The following CSMD1 variants were observed in gnomAD, a reference collection of about 807,000 sequenced individuals.
The protein encoded by CSMD1 is CUB and Sushi multiple domains 1, also known as CUB and sushi domain-containing protein 1.
A neutral mutation model predicts 417.5 loss-of-function variants in CSMD1; 213 were observed. The ratio of observed to expected loss-of-function variants is 0.51; its 90% CI spans 0.46 to 0.57. The LOEUF (loss-of-function observed/expected upper bound fraction) is 0.57, where lower values mean the gene tolerates loss of function less well. CSMD1 is among the 20% of genes least tolerant of loss of function. The pLI is 0.00. For synonymous variants in CSMD1, 2,862 were observed against 1,736.8 expected (o/e 1.65, Z -16.11); for missense variants, 6,923 against 4,529.7 (o/e 1.53, Z -15.17).
chr8:4,720,106 T>A (rs200411405), intron 1 of CSMD1, among the ~76,000 whole-genome samples: 36 of 151,876 alleles, frequency 2.4e-4, no homozygotes, highest in East Asian at 1.9e-3. Context: ...TACCACCTCT[T>A]AATCTGTGGT....
intron 4 of CSMD1, among the ~76,000 whole-genome samples, chr8:4,027,735 G>A (rs531380676): frequency 1.3e-5 from 2 of 152,140 alleles, no homozygotes; most frequent in African/African-American, 4.8e-5. Context: ...CAAACTTGAA[G>A]CCAGTCTGTT....
chr8:4,048,595 T>C (rs1049369244), intron 3 of CSMD1, among the ~76,000 whole-genome samples: 3 of 152,224 alleles, frequency 2.0e-5, no homozygotes, highest in African/African-American at 2.4e-5. Context: ...AGAGTTTGTA[T>C]ACAAACAGCA....
Position 3,246,432 on chromosome 8 carries a change from C to G in CSMD1, c.4154-16201G>C, listed in dbSNP as rs182490121. 4.4e-3 allele frequency among the ~76,000 whole-genome samples: 673 copies of G among 152,244 alleles called. 2 individuals are homozygous for G. Among genetic ancestry groups the G allele is most frequent in the Non-Finnish European group, 7.8e-3 (528 of 67,996 alleles). On this transcript the variant is annotated intron_variant, in intron 26 of 69. Transcript: ENST00000635120. ...TCACGCTCTCACATATTAAACTCTT[C>G]TATTCTCTGTTCACCCCCATTCTCT...
chr8:3,030,722 C>T (rs4092882), intron 50 of CSMD1, among the ~76,000 whole-genome samples: 77,009 of 151,768 alleles, frequency 0.51, 20,205 homozygotes, highest in Non-Finnish European at 0.57. Context: ...TGACCTCAAG[C>T]GATCCACCCA....
chr8:4,972,258 C>G (rs1023568523), intron 1 of CSMD1, among the ~76,000 whole-genome samples: 2 of 148,998 alleles, frequency 1.3e-5, no homozygotes, highest in Non-Finnish European at 2.9e-5. Flanking sequence ...GAATGGGACA[C>G]TGATATTGTT....
Position 4,344,277 on chromosome 8 carries a change from A to C in CSMD1, c.415+75676T>G, listed in dbSNP as rs116400894. ...TTTACACGTGTTCATTCAATTGTTC[A>C]TTCTGTCATGTGTCTAGTTTAACAA... is the stretch of plus-strand genomic sequence containing the variant. On this transcript the variant is annotated intron_variant, in intron 3 of 69. Transcript: ENST00000635120. Among the ~76,000 whole-genome samples, 579 of 152,234 alleles carry C rather than the reference A, an allele frequency of 3.8e-3. 4 individuals carry two copies. Among genetic ancestry groups the C allele is most frequent in the African/African-American group, 0.013 (550 of 41,550 alleles).
At chr8:4,248,886 G>GA (rs146254502) in intron 3 of CSMD1, among the ~76,000 whole-genome samples, 14,476 of 150,874 alleles carry the variant, frequency 0.096, 1,008 homozygotes, top group East Asian at 0.36. Flanking sequence ...TTTTCTGTTG[G>GA]AAAAAAAAAT....
chr8:4,122,209 T>G (rs891582711), intron 3 of CSMD1, among the ~76,000 whole-genome samples: 1 of 152,288 alleles, frequency 6.6e-6, no homozygotes, highest in South Asian at 2.1e-4. Flanking sequence ...TTAATGATAG[T>G]CTATTTGCTG....
At position 3,945,760 on chromosome 8, in the gene CSMD1, G is replaced by T. The variant is rs111894129; in HGVS notation, c.818+52143C>A. ...GGATAGAAAACCAAGAAATGGGCTG[G>T]AACTGGAGATATGAAAGTAGATGAG... is the stretch of plus-strand genomic sequence containing the variant. On this transcript the variant is annotated intron_variant, in intron 5 of 69. Coordinates refer to ENST00000635120, the MANE Select transcript of CSMD1 (RefSeq NM_033225.6). Among the ~76,000 whole-genome samples, 301 of 152,184 alleles carry T rather than the reference G, an allele frequency of 2.0e-3. 1 individual carries two copies. Among genetic ancestry groups the T allele is most frequent in the Non-Finnish European group, 2.6e-3 (179 of 67,966 alleles).
intron 10 of CSMD1, among the ~76,000 whole-genome samples, chr8:3,537,568 T>G (rs940836662): frequency 2.0e-5 from 3 of 152,260 alleles, no homozygotes; most frequent in Non-Finnish European, 4.4e-5. Context: ...ATTTGCATGT[T>G]TGTTTTAGAT....
chr8:3,284,807 A>T (rs7010625), intron 25 of CSMD1, among the ~76,000 whole-genome samples: 111,910 of 152,152 alleles, frequency 0.74, 42,206 homozygotes, highest in Non-Finnish European at 0.82. Context: ...TTACTCCATT[A>T]CGACCTTTTC....
intron 5 of CSMD1, among the ~76,000 whole-genome samples, chr8:3,773,772 C>G (rs1408006205): frequency 6.6e-6 from 1 of 152,134 alleles, no homozygotes; most frequent in Non-Finnish European, 1.5e-5. Context: ...AATAAATATC[C>G]AGAATAAATA....
intron 6 of CSMD1, among the ~76,000 whole-genome samples, chr8:3,738,746 T>A (rs1796649671): frequency 6.6e-6 from 1 of 152,152 alleles, no homozygotes. Flanking sequence ...CAAAGACAAA[T>A]TCAGAGTAAC....
intron 1 of CSMD1, among the ~76,000 whole-genome samples, chr8:4,679,056 G>C (rs745424851): frequency 1.3e-5 from 2 of 152,152 alleles, no homozygotes; most frequent in Admixed American, 6.5e-5. Flanking sequence ...TCACAGTGAG[G>C]TTCGTGACTC....
chr8:4,070,231 G>C (rs1799473902), intron 3 of CSMD1, among the ~76,000 whole-genome samples: 1 of 151,910 alleles, frequency 6.6e-6, no homozygotes, highest in South Asian at 2.1e-4. Context: ...TTTTTGGTAT[G>C]CTTATCATAT....
At chr8:4,573,815 C>A (rs963734049) in intron 2 of CSMD1, among the ~76,000 whole-genome samples, 2 of 152,160 alleles carry the variant, frequency 1.3e-5, no homozygotes, top group African/African-American at 2.4e-5. Flanking sequence ...TCAGGGATGA[C>A]CTGCCTAGGG....
intron 3 of CSMD1, among the ~76,000 whole-genome samples, chr8:4,336,150 C>G (rs963457947): frequency 3.3e-5 from 5 of 152,068 alleles, no homozygotes; most frequent in African/African-American, 1.2e-4. Flanking sequence ...TTAAGCTCTA[C>G]CCTGAATAAT....
At chr8:4,906,842 G>C (rs933749790) in intron 1 of CSMD1, among the ~76,000 whole-genome samples, 1 of 152,230 alleles carries the variant, frequency 6.6e-6, no homozygotes, top group Non-Finnish European at 1.5e-5. Context: ...ACAGGCGTGA[G>C]CCGCTGCCCC....
chr8:3,038,684 T>C (rs1019490431), intron 50 of CSMD1, among the ~76,000 whole-genome samples: 4 of 144,222 alleles, frequency 2.8e-5, no homozygotes, highest in Non-Finnish European at 6.3e-5. Flanking sequence ...TCCTTAGAGC[T>C]CTTTGCTGAA....
Sources: allele counts gnomAD v4.1 joint callset (sites outside exome capture counted in the v4.1 genomes callset), GRCh38; gene constraint gnomAD v4.1.1; transcripts MANE v1.5; gene names NCBI Gene and HGNC (gene_info 2026-07-23, HGNC 2026-07-21).